Variants in TSPAN18 observed in about 807,000 individuals in gnomAD.
TSPAN18 encodes the protein tetraspanin 18, also known as tetraspanin-18.
A neutral mutation model predicts 27.3 loss-of-function variants in TSPAN18; 14 were observed. That is an observed-to-expected ratio of 0.51 (90% CI 0.34 to 0.80). The LOEUF is 0.80. Among genes scored for constraint, TSPAN18 ranks in the 30% least tolerant of loss-of-function variants. The pLI, the probability that TSPAN18 is intolerant of heterozygous loss-of-function variation, is 0.01. For missense variants in TSPAN18, 268 were observed against 323.9 expected, an observed-to-expected ratio of 0.83 and a Z score of 1.32; for synonymous variants, 143 against 136.5, an observed-to-expected ratio of 1.05 and a Z score of -0.33.
At chr11:44,922,446 G>A (rs7108815) in intron 8 of TSPAN18, among the ~76,000 whole-genome samples, 1 of 152,122 alleles carries the variant, frequency 6.6e-6, no homozygotes, top group Non-Finnish European at 1.5e-5. Flanking sequence ...TTTGCTGGCA[G>A]GCCCATGGCA....
chr11:44,768,609 G>C (rs1003713019), intron 2 of TSPAN18, among the ~76,000 whole-genome samples: 4 of 151,914 alleles, frequency 2.6e-5, no homozygotes, highest in African/African-American at 9.7e-5. Context: ...TCTTATTGCA[G>C]TAGCTAGGAC....
chr11:44,798,269 C>T (rs1019268349), intron 2 of TSPAN18, among the ~76,000 whole-genome samples: 29 of 152,318 alleles, frequency 1.9e-4, no homozygotes, highest in East Asian at 5.8e-4. Context: ...CTTAAACTCC[C>T]GAGCAATGTG....
chr11:44,858,986 C>G (rs1009882740), intron 2 of TSPAN18, among the ~76,000 whole-genome samples: 1 of 152,190 alleles, frequency 6.6e-6, no homozygotes, highest in African/African-American at 2.4e-5. Context: ...CTCCCCAGTT[C>G]ACACCGTCTG....
chr11:44,782,514 G>C (rs1469381488), intron 2 of TSPAN18, among the ~76,000 whole-genome samples: 1 of 147,776 alleles, frequency 6.8e-6, no homozygotes, highest in African/African-American at 2.5e-5. Context: ...CTGCACTCCA[G>C]CTTGGGTGAC....
intron 3 of TSPAN18, among the ~76,000 whole-genome samples, chr11:44,887,426 G>A (rs1858693701): frequency 6.6e-6 from 1 of 152,192 alleles, no homozygotes; most frequent in African/African-American, 2.4e-5. Flanking sequence ...TATAGCCTTG[G>A]GGGAGTCACT....
At chr11:44,774,964 G>A (rs547289523) in intron 2 of TSPAN18, among the ~76,000 whole-genome samples, 3 of 152,322 alleles carry the variant, frequency 2.0e-5, no homozygotes, top group South Asian at 4.1e-4. Context: ...ACACCAGAAA[G>A]TCCGTTCAGT....
In TSPAN18 at chr11:44,807,229, AAAAAAAAG is replaced by A. The variant is rs1188042712; in HGVS notation, c.-153+42720_-153+42727del. Among the ~76,000 whole-genome samples the A allele has an allele frequency of 4.0e-3, 92 of 22,744 alleles. 14 individuals carry two copies. The highest frequency in any genetic ancestry group is 7.0e-3 in the African/African-American group (88 of 12,592). 14.9% of individuals were successfully genotyped at this position (22,744 alleles called of 152,430 possible). On this transcript the variant is annotated intron_variant, in intron 2 of 9. Coordinates refer to ENST00000520358, the MANE Select transcript of TSPAN18 (RefSeq NM_130783.5). The stretch of plus-strand genomic sequence containing the variant: ...AAAAAAAAAAAAAAAAAAAAAAAAA[AAAAAAAAG>A]AAGGAAAGAGGCCAGGCACCGTGGC...
rs376890512 is a variant in TSPAN18, at chr11:44,851,623, C to A, written c.-152-8705C>A. 3.2e-4 allele frequency among the ~76,000 whole-genome samples: 48 copies of A among 148,486 alleles called. 3 individuals are homozygous for A. Among genetic ancestry groups the A allele is most frequent in the African/African-American group, 9.4e-4 (38 of 40,538 alleles). ...CAGGTACTCTTGTCACCTCCCCCCCCCAACGGCTGGGTCCCTGTCTACCTC... is the reference window on the plus strand; with the variant it reads ...CAGGTACTCTTGTCACCTCCCCCCCACAACGGCTGGGTCCCTGTCTACCTC... On this transcript the variant is annotated intron_variant, in intron 2 of 9. Coordinates refer to ENST00000520358, the MANE Select transcript of TSPAN18 (RefSeq NM_130783.5).
chr11:44,899,498 C>T (rs1162523075), intron 3 of TSPAN18, among the ~76,000 whole-genome samples: 2 of 152,238 alleles, frequency 1.3e-5, no homozygotes, highest in Non-Finnish European at 2.9e-5. Flanking sequence ...AATCCTCCAC[C>T]CCAGAGTCCT....
chr11:44,769,598 G>A (rs1332401191), intron 2 of TSPAN18, among the ~76,000 whole-genome samples: 5 of 152,126 alleles, frequency 3.3e-5, no homozygotes, highest in African/African-American at 1.2e-4. Flanking sequence ...TTTTTTGTGT[G>A]TGAGCTTTGG....
intron 2 of TSPAN18, among the ~76,000 whole-genome samples, chr11:44,787,551 A>G (rs947886791): frequency 3.3e-5 from 5 of 152,204 alleles, no homozygotes; most frequent in African/African-American, 1.2e-4. Context: ...TAAGAGCCAC[A>G]CTGCCTGGCT....
At chr11:44,925,331 C>T (rs1860311846) in intron 8 of TSPAN18, among the ~76,000 whole-genome samples, 1 of 152,248 alleles carries the variant, frequency 6.6e-6, no homozygotes, top group South Asian at 2.1e-4. Context: ...TATTCCCATG[C>T]ACACTCAGTC....
At chr11:44,860,958 AATTGGTTTCTAATAT>A in intron 3 of TSPAN18, among the ~76,000 whole-genome samples, 1 of 152,346 alleles carries the variant, frequency 6.6e-6, no homozygotes, top group Non-Finnish European at 1.5e-5. Flanking sequence ...AGCTTTTTAA[AATTGGTTTCTAATAT>A]ATTGGTTTCT....
At chr11:44,787,868 C>T (rs947979490) in intron 2 of TSPAN18, among the ~76,000 whole-genome samples, 4 of 151,950 alleles carry the variant, frequency 2.6e-5, no homozygotes, top group African/African-American at 4.8e-5. Context: ...TCACTTAACT[C>T]GCCCTTCCCA....
At chr11:44,816,204 C>T (rs953675012) in intron 2 of TSPAN18, among the ~76,000 whole-genome samples, 2 of 152,202 alleles carry the variant, frequency 1.3e-5, no homozygotes, top group Non-Finnish European at 2.9e-5. Context: ...TGAAAAGGTG[C>T]ACGGAGCTCC....
chr11:44,886,724 G>A (rs1203952919), intron 3 of TSPAN18, among the ~76,000 whole-genome samples: 2 of 152,230 alleles, frequency 1.3e-5, no homozygotes, highest in South Asian at 2.1e-4. Flanking sequence ...TAAGAATAAG[G>A]TCAGTTTGGC....
At chr11:44,737,006 C>T (rs1163534622) in intron 1 of TSPAN18, among the ~76,000 whole-genome samples, 2 of 152,194 alleles carry the variant, frequency 1.3e-5, no homozygotes, top group African/African-American at 2.4e-5. Context: ...TTCCATGGAG[C>T]CTGCAGCGTG....
At chr11:44,820,816 G>C (rs1216471572) in intron 2 of TSPAN18, among the ~76,000 whole-genome samples, 2 of 151,980 alleles carry the variant, frequency 1.3e-5, no homozygotes, top group Non-Finnish European at 2.9e-5. Flanking sequence ...ATTAGTTCAT[G>C]CAAGAGCAGG....
rs1860517875 is a variant in TSPAN18, at chr11:44,930,367, G to A, written c.*1189G>A. ...GACTTTAGCATCAGCTTAATACACA[G>A]AAGAGGTTTCTGTTTTTCTGTGGCT... On this transcript the variant is annotated 3_prime_UTR_variant, in exon 10 of 10. Coordinates refer to ENST00000520358, the MANE Select transcript of TSPAN18 (RefSeq NM_130783.5). The A allele has an allele frequency of 6.2e-6, 1 of 161,618 alleles. No homozygotes were observed. The highest frequency in any genetic ancestry group is 2.4e-5 in the African/African-American group (1 of 41,576). The allele number at this position is 161,618 out of a possible 1,614,324, so 10.0% of individuals were successfully genotyped here. A position where few individuals can be genotyped will look rare whatever the true frequency, so the allele number is the denominator to read the frequency against.
Sources: gnomAD v4.1 joint callset for allele counts (sites outside exome capture counted in the v4.1 genomes callset) on GRCh38, gnomAD v4.1.1 for gene constraint, MANE v1.5 for transcripts, NCBI Gene and HGNC (gene_info 2026-07-23, HGNC 2026-07-21) for gene names.